Variants in DPYD observed in about 807,000 individuals in gnomAD.
The protein encoded by DPYD is dihydropyrimidine dehydrogenase [NADP(+)].
In DPYD, 109 loss-of-function variants were observed where a neutral mutation model predicts 116.2. That is an observed-to-expected ratio of 0.94 (90% CI 0.80 to 1.10). The LOEUF (loss-of-function observed/expected upper bound fraction) is 1.10, where lower values mean the gene tolerates loss of function less well. Among genes scored for constraint, DPYD ranks in the 50% least tolerant of loss-of-function variants. The pLI, the probability that DPYD is intolerant of heterozygous loss-of-function variation, is 0.00. For synonymous variants in DPYD, 440 were observed against 432.0 expected (o/e 1.02, Z -0.23); for missense variants, 1,302 against 1,254.5 (o/e 1.04, Z -0.57).
At chr1:97,477,769 C>T (rs1278901712) in intron 13 of DPYD, among the ~76,000 whole-genome samples, 7 of 151,584 alleles carry the variant, frequency 4.6e-5, no homozygotes, top group East Asian at 3.9e-4. Context: ...TACAGGCGCC[C>T]GCCACCGCGC....
chr1:97,753,119 T>C (rs1201010727), intron 3 of DPYD, among the ~76,000 whole-genome samples: 2 of 152,212 alleles, frequency 1.3e-5, no homozygotes, highest in East Asian at 3.8e-4. Context: ...TTTATAAATG[T>C]TAACTCATTT....
chr1:97,369,596 C>T (rs111771002), intron 16 of DPYD, among the ~76,000 whole-genome samples: 13 of 152,218 alleles, frequency 8.5e-5, no homozygotes, highest in African/African-American at 3.1e-4. Flanking sequence ...AAAACTCAAC[C>T]GGCTTCAGAG....
chr1:97,850,953 T>C (rs1371781207), intron 2 of DPYD, among the ~76,000 whole-genome samples: 2 of 152,008 alleles, frequency 1.3e-5, no homozygotes, highest in Non-Finnish European at 2.9e-5. Context: ...CAGAAAAAAA[T>C]GAATTGTCCT....
chr1:97,666,603 T>C (rs1659574996), intron 8 of DPYD, among the ~76,000 whole-genome samples: 1 of 152,168 alleles, frequency 6.6e-6, no homozygotes, highest in Admixed American at 6.6e-5. Flanking sequence ...GTGTTAGTAA[T>C]ATTTAAAAAA....
intron 14 of DPYD, among the ~76,000 whole-genome samples, chr1:97,433,335 T>G (rs2101737021): frequency 6.6e-6 from 1 of 152,244 alleles, no homozygotes; most frequent in African/African-American, 2.4e-5. Flanking sequence ...CCTGGGCTTC[T>G]TGGGGTTCTC....
chr1:97,689,413 G>A (rs931657657), intron 7 of DPYD, among the ~76,000 whole-genome samples: 13 of 151,918 alleles, frequency 8.6e-5, no homozygotes, highest in Non-Finnish European at 1.8e-4. Context: ...TCTAGTCCTG[G>A]CATACTACTT....
intron 16 of DPYD, among the ~76,000 whole-genome samples, chr1:97,368,960 A>G (rs928764672): frequency 4.7e-4 from 72 of 152,170 alleles, no homozygotes; most frequent in African/African-American, 1.6e-3. Context: ...AATAATTTTA[A>G]AAACACAACA....
At chr1:97,899,831 T>C (rs1234832687) in intron 1 of DPYD, among the ~76,000 whole-genome samples, 6 of 151,950 alleles carry the variant, frequency 3.9e-5, no homozygotes, top group Non-Finnish European at 7.4e-5. Flanking sequence ...CAGATACTCC[T>C]GAATAAATCA....
chr1:97,428,677 A>T (rs569913294), intron 14 of DPYD, among the ~76,000 whole-genome samples: 1 of 152,204 alleles, frequency 6.6e-6, no homozygotes, highest in East Asian at 1.9e-4. Flanking sequence ...TCTACTTCAG[A>T]TTTTTAAAAA....
At chr1:97,402,622 A>G (rs2101640374) in intron 14 of DPYD, among the ~76,000 whole-genome samples, 1 of 152,116 alleles carries the variant, frequency 6.6e-6, no homozygotes, top group African/African-American at 2.4e-5. Flanking sequence ...ATTTTGTCTT[A>G]TTAGCTAGAA....
At chr1:97,200,165 T>A (rs561929998) in intron 19 of DPYD, among the ~76,000 whole-genome samples, 1 of 152,268 alleles carries the variant, frequency 6.6e-6, no homozygotes, top group South Asian at 2.1e-4. Flanking sequence ...AAAATAGAGA[T>A]CTTGATCTAT....
At chr1:97,266,427 C>G (rs1011558791) in intron 18 of DPYD, among the ~76,000 whole-genome samples, 2 of 152,138 alleles carry the variant, frequency 1.3e-5, no homozygotes, top group African/African-American at 4.8e-5. Flanking sequence ...ATTGCTGTGT[C>G]CTGCAGTTCA....
intron 3 of DPYD, among the ~76,000 whole-genome samples, chr1:97,795,497 CA>C (rs1001779103): frequency 3.3e-5 from 5 of 151,854 alleles, no homozygotes; most frequent in Admixed American, 1.3e-4. Context: ...GTTTTAAAAG[CA>C]AAATAACATA....
chr1:97,902,250 A>C (rs1282485330), intron 1 of DPYD, among the ~76,000 whole-genome samples: 2 of 151,812 alleles, frequency 1.3e-5, no homozygotes, highest in Admixed American at 1.3e-4. Flanking sequence ...GATTAGAACC[A>C]AGTCTCCTAA....
At chr1:97,298,112 C>T (rs1402719639) in intron 18 of DPYD, among the ~76,000 whole-genome samples, 1 of 152,154 alleles carries the variant, frequency 6.6e-6, no homozygotes, top group Non-Finnish European at 1.5e-5. Context: ...CTATACCCCT[C>T]TAATTTTACC....
At chr1:97,758,374 A>G (rs1182904335) in intron 3 of DPYD, among the ~76,000 whole-genome samples, 1 of 145,738 alleles carries the variant, frequency 6.9e-6, no homozygotes, top group East Asian at 2.1e-4. Flanking sequence ...AAAAAAAAAA[A>G]CAGTTTCATT....
intron 9 of DPYD, among the ~76,000 whole-genome samples, chr1:97,593,782 A>C (rs773568796): frequency 6.6e-6 from 1 of 152,168 alleles, no homozygotes; most frequent in African/African-American, 2.4e-5. Context: ...GGTTTGCAAT[A>C]TTTCATTATA....
At chr1:97,208,764 G>C (rs183688044) in intron 19 of DPYD, among the ~76,000 whole-genome samples, 8 of 152,220 alleles carry the variant, frequency 5.3e-5, no homozygotes, top group Admixed American at 3.9e-4. Flanking sequence ...AGGTTATGCT[G>C]TTTGTTTTCT....
chr1:97,313,083 A>G (rs1667608703), intron 16 of DPYD, among the ~76,000 whole-genome samples: 1 of 151,926 alleles, frequency 6.6e-6, no homozygotes, highest in African/African-American at 2.4e-5. Context: ...GGCACACAAT[A>G]AAATGGACAT....
Sources: allele counts gnomAD v4.1 joint callset (sites outside exome capture counted in the v4.1 genomes callset), GRCh38; gene constraint gnomAD v4.1.1; transcripts MANE v1.5; gene names NCBI Gene and HGNC (gene_info 2026-07-23, HGNC 2026-07-21).